The following SETBP1 variants were observed in gnomAD, a reference collection of about 807,000 sequenced individuals.
The protein encoded by SETBP1 is SET binding protein 1, also known as SET-binding protein.
In SETBP1, 9 loss-of-function variants were observed where a neutral mutation model predicts 101.0. The observed-to-expected ratio is 0.09, with a 90% CI of 0.05 to 0.16. SETBP1 has a LOEUF of 0.16. Ranked by LOEUF, SETBP1 falls within the 10% of genes least tolerant of loss-of-function variation. The pLI, the probability that SETBP1 is intolerant of heterozygous loss-of-function variation, is 1.00. For missense variants in SETBP1, 1,858 were observed against 2,033.8 expected (o/e 0.91, Z 1.66); for synonymous variants, 818 against 788.5 (o/e 1.04, Z -0.63).
intron 2 of SETBP1, among the ~76,000 whole-genome samples, chr18:44,794,646 T>G (rs549585086): frequency 2.0e-5 from 3 of 152,290 alleles, no homozygotes; most frequent in African/African-American, 7.2e-5. Flanking sequence ...CCCAGCCCTC[T>G]TGGTGTCGTT....
At chr18:44,919,945 C>T (rs2070541886) in intron 3 of SETBP1, among the ~76,000 whole-genome samples, 1 of 152,050 alleles carries the variant, frequency 6.6e-6, no homozygotes, top group Non-Finnish European at 1.5e-5. Context: ...CTCCTTTCTC[C>T]CCACTAGAAT....
chr18:44,788,745 A>C (rs1267921173), intron 2 of SETBP1, among the ~76,000 whole-genome samples: 1 of 151,662 alleles, frequency 6.6e-6, no homozygotes, highest in Non-Finnish European at 1.5e-5. Flanking sequence ...TAAATGTAAG[A>C]ACAACTCCCC....
intron 3 of SETBP1, among the ~76,000 whole-genome samples, chr18:44,876,089 C>T (rs1435300110): frequency 1.3e-5 from 2 of 152,190 alleles, no homozygotes; most frequent in Non-Finnish European, 2.9e-5. Context: ...ATCCTTCCAC[C>T]TTGGCAAATA....
chr18:44,858,787 G>A (rs1403795416), intron 2 of SETBP1, among the ~76,000 whole-genome samples: 4 of 152,258 alleles, frequency 2.6e-5, no homozygotes, highest in African/African-American at 2.4e-5. Context: ...ACAATAGCAT[G>A]TTTCATACCT....
At chr18:44,767,527 G>T (rs1169922976) in intron 2 of SETBP1, among the ~76,000 whole-genome samples, 1 of 152,166 alleles carries the variant, frequency 6.6e-6, no homozygotes, top group Non-Finnish European at 1.5e-5. Flanking sequence ...TTGGTATTCA[G>T]CTTAGGAACT....
intron 4 of SETBP1, among the ~76,000 whole-genome samples, chr18:45,022,861 C>A (rs774984948): frequency 1.3e-5 from 2 of 152,124 alleles, no homozygotes; most frequent in Non-Finnish European, 2.9e-5. Context: ...ATAAAATTAG[C>A]ATTTACATGT....
chr18:44,886,735 A>G (rs2069656065), intron 3 of SETBP1, among the ~76,000 whole-genome samples: 1 of 148,044 alleles, frequency 6.8e-6, no homozygotes, highest in Admixed American at 6.8e-5. Flanking sequence ...TCCTTTTGAA[A>G]GATTGGTGGA....
intron 2 of SETBP1, among the ~76,000 whole-genome samples, chr18:44,849,512 G>C (rs2072802158): frequency 1.3e-5 from 2 of 152,174 alleles, no homozygotes; most frequent in Admixed American, 1.3e-4. Context: ...CTATTTGGCA[G>C]GGCACTGAAG....
chr18:44,765,155 C>T (rs1320629596), intron 2 of SETBP1, among the ~76,000 whole-genome samples: 1 of 152,128 alleles, frequency 6.6e-6, no homozygotes, highest in East Asian at 1.9e-4. Context: ...TCACCTAGAG[C>T]TCACAAACCA....
At chr18:45,012,377 A>G (rs1193542682) in intron 4 of SETBP1, among the ~76,000 whole-genome samples, 1 of 152,170 alleles carries the variant, frequency 6.6e-6, no homozygotes, top group Non-Finnish European at 1.5e-5. Flanking sequence ...AGGGGCCTCC[A>G]GGGTGTAGAG....
At chr18:44,867,681 G>T (rs148357703) in intron 2 of SETBP1, among the ~76,000 whole-genome samples, 12 of 151,940 alleles carry the variant, frequency 7.9e-5, no homozygotes, top group African/African-American at 2.7e-4. Context: ...GGGTGGTGCT[G>T]CCTGCCCCCA....
At chr18:44,912,738 C>T (rs2144889552) in intron 3 of SETBP1, among the ~76,000 whole-genome samples, 1 of 152,188 alleles carries the variant, frequency 6.6e-6, no homozygotes, top group East Asian at 1.9e-4. Flanking sequence ...TTTACAGTAA[C>T]TTTTCTATGT....
In SETBP1 at chr18:44,951,674, A is replaced by G; in HGVS notation, c.2334A>G (p.Pro778=). The G allele has an allele frequency of 1.2e-6, 2 of 1,614,074 alleles. No homozygotes were observed. Among genetic ancestry groups the G allele is most frequent in the Non-Finnish European group, 1.7e-6 (2 of 1,180,020 alleles). ...CGTCTTCACCAGCAGCTATGCACCCACTTTCAACACAGTTAGGTGGGTCCA... is the reference window on the plus strand; with the variant it reads ...CGTCTTCACCAGCAGCTATGCACCCGCTTTCAACACAGTTAGGTGGGTCCA... ...LVASSPAAMH[P]LSTQLGGSNG... The change falls in exon 4 of 6, where the codon CCA becomes CCG. Residue 778 remains proline (P), a synonymous_variant. Coordinates refer to ENST00000649279, the MANE Select transcript of SETBP1 (RefSeq NM_015559.3). This position sits in a 1 kb window ranked among gnomAD's most constrained non-coding sequence, Gnocchi z 7.8.
chr18:44,923,172 T>C (rs112086822), intron 3 of SETBP1, among the ~76,000 whole-genome samples: 4 of 117,718 alleles, frequency 3.4e-5, no homozygotes, highest in Non-Finnish European at 7.7e-5. Flanking sequence ...TGAGGAAACA[T>C]AGAGAGATGA....
At chr18:44,999,487 T>A (rs2072570207) in intron 4 of SETBP1, among the ~76,000 whole-genome samples, 1 of 152,218 alleles carries the variant, frequency 6.6e-6, no homozygotes, top group Non-Finnish European at 1.5e-5. Flanking sequence ...TAACCTTGTC[T>A]ACTGAGTGAT....
At chr18:44,959,114 G>A (rs1468944928) in intron 4 of SETBP1, among the ~76,000 whole-genome samples, 3 of 152,190 alleles carry the variant, frequency 2.0e-5, no homozygotes, top group African/African-American at 4.8e-5. Context: ...AAATGTTCTC[G>A]TGTCCTGGTG....
chr18:44,924,360 G>A (rs955742216), intron 3 of SETBP1, among the ~76,000 whole-genome samples: 2 of 152,130 alleles, frequency 1.3e-5, no homozygotes, highest in Non-Finnish European at 2.9e-5. Context: ...TAGAAGAAAT[G>A]GCTAGAGAGG....
At chr18:44,972,841 C>T (rs1193902490) in intron 4 of SETBP1, among the ~76,000 whole-genome samples, 1 of 152,178 alleles carries the variant, frequency 6.6e-6, no homozygotes, top group African/African-American at 2.4e-5. Flanking sequence ...ATTTGACTTC[C>T]TCTTTTCCTA....
chr18:44,948,697 C>T (rs1029509915), intron 3 of SETBP1, among the ~76,000 whole-genome samples: 51 of 152,266 alleles, frequency 3.3e-4, no homozygotes, highest in African/African-American at 1.2e-3. Context: ...TTATAATAAA[C>T]CTTAAGGAAT....
Sources: gnomAD v4.1 joint callset for allele counts (sites outside exome capture counted in the v4.1 genomes callset) on GRCh38, gnomAD v4.1.1 for gene constraint, Gnocchi (gnomAD v3.1) non-coding constraint, MANE v1.5 for transcripts, NCBI Gene and HGNC (gene_info 2026-07-23, HGNC 2026-07-21) for gene names.